The following CACNG3 variants were observed in gnomAD, a reference collection of about 807,000 sequenced individuals.
The protein encoded by CACNG3 is calcium voltage-gated channel auxiliary subunit gamma 3.
In CACNG3, 3 loss-of-function variants were observed where a neutral mutation model predicts 28.5. The ratio of observed to expected loss-of-function variants is 0.11; its 90% confidence interval spans 0.05 to 0.27. The LOEUF is 0.27. Among genes scored for constraint, CACNG3 ranks in the 10% least tolerant of loss-of-function variants. CACNG3 has a pLI of 1.00. For missense variants in CACNG3, 236 were observed against 414.4 expected (o/e 0.57, Z 3.74); for synonymous variants, 174 against 162.2 (o/e 1.07, Z -0.55).
chr16:24,331,995 A>T (rs758441698), intron 1 of CACNG3, among the ~76,000 whole-genome samples: 4 of 152,180 alleles, frequency 2.6e-5, no homozygotes, highest in Non-Finnish European at 5.9e-5. Flanking sequence ...CACTGAAATT[A>T]TCTTTTCCTT....
intron 1 of CACNG3, among the ~76,000 whole-genome samples, chr16:24,339,420 G>T (rs530620026): frequency 1.0e-3 from 152 of 146,376 alleles, no homozygotes; most frequent in African/African-American, 3.5e-3. Flanking sequence ...GGGTCTTGCT[G>T]TCTCACTCAA....
At chr16:24,305,990 C>T (rs757567763) in intron 1 of CACNG3, among the ~76,000 whole-genome samples, 5 of 152,208 alleles carry the variant, frequency 3.3e-5, no homozygotes, top group Admixed American at 6.5e-5. Context: ...ATGGTATATA[C>T]ACATTTAAGT....
chr16:24,304,580 T>G (rs532807185), intron 1 of CACNG3, among the ~76,000 whole-genome samples: 1 of 152,200 alleles, frequency 6.6e-6, no homozygotes, highest in Admixed American at 6.5e-5. Context: ...GTATTTGGTT[T>G]TGTTTTGTTT....
At chr16:24,325,462 C>A (rs373538833) in intron 1 of CACNG3, among the ~76,000 whole-genome samples, 172 of 152,354 alleles carry the variant, frequency 1.1e-3, no homozygotes, top group African/African-American at 3.9e-3. Context: ...ACCCTGGGAG[C>A]TCCCTTTCCC....
intron 1 of CACNG3, among the ~76,000 whole-genome samples, chr16:24,319,761 G>T (rs1472234414): frequency 3.3e-5 from 5 of 150,902 alleles, no homozygotes; most frequent in Non-Finnish European, 7.4e-5. Flanking sequence ...GACTTGTCAG[G>T]GTTATTTTTG....
At chr16:24,311,112 T>G (rs1437977772) in intron 1 of CACNG3, among the ~76,000 whole-genome samples, 1 of 152,162 alleles carries the variant, frequency 6.6e-6, no homozygotes, top group Non-Finnish European at 1.5e-5. Flanking sequence ...TACAGATAGA[T>G]CCAAGGCAAT....
intron 1 of CACNG3, among the ~76,000 whole-genome samples, chr16:24,297,828 A>T (rs959384760): frequency 1.3e-5 from 2 of 152,202 alleles, no homozygotes; most frequent in Admixed American, 1.3e-4. Flanking sequence ...GTCAGCAAGA[A>T]AACCCTCACA....
At chr16:24,275,194 CAA>C (rs71154294) in intron 1 of CACNG3, among the ~76,000 whole-genome samples, 7 of 147,542 alleles carry the variant, frequency 4.7e-5, no homozygotes, top group African/African-American at 5.0e-5. Flanking sequence ...ACTCCATCTC[CAA>C]AAAAAAAAAG....
At chr16:24,343,311 A>G (rs980480001) in intron 1 of CACNG3, among the ~76,000 whole-genome samples, 1 of 152,166 alleles carries the variant, frequency 6.6e-6, no homozygotes, top group Non-Finnish European at 1.5e-5. Context: ...CCATTTCACA[A>G]GCAGATGCCC....
At chr16:24,257,903 C>A (rs1898489798) in intron 1 of CACNG3, among the ~76,000 whole-genome samples, 2 of 152,138 alleles carry the variant, frequency 1.3e-5, no homozygotes, top group South Asian at 4.1e-4. Context: ...ACTCTCAGCA[C>A]CAGTAGGCAA....
At chr16:24,319,685 C>A (rs1378399141) in intron 1 of CACNG3, among the ~76,000 whole-genome samples, 1 of 151,856 alleles carries the variant, frequency 6.6e-6, no homozygotes, top group Non-Finnish European at 1.5e-5. Context: ...TACTCTTGGC[C>A]TCAAGCAATC....
At chr16:24,344,537 A>G (rs2141379083) in intron 1 of CACNG3, among the ~76,000 whole-genome samples, 1 of 152,344 alleles carries the variant, frequency 6.6e-6, no homozygotes, top group South Asian at 2.1e-4. Context: ...CCAAACAGGC[A>G]TATATAAATG....
Position 24,318,980 on chromosome 16 carries a change from G to T in CACNG3, c.212-27754G>T, listed in dbSNP as rs9935334. On this transcript the variant is annotated intron_variant, in intron 1 of 3. Transcript: ENST00000005284. ...GAAAGCTATTTCCTTTTCAATTCAT[G>T]GTATCTGGCTGGAATTTAATAAAAT... Among the ~76,000 whole-genome samples, 5 of 151,978 alleles carry T rather than the reference G, an allele frequency of 3.3e-5. No individual in the cohort carries two copies. In the East Asian group the frequency reaches 5.8e-4, roughly 18 times the overall value.
At chr16:24,294,328 G>T (rs753530183) in intron 1 of CACNG3, among the ~76,000 whole-genome samples, 2 of 152,188 alleles carry the variant, frequency 1.3e-5, no homozygotes, top group Admixed American at 1.3e-4. Flanking sequence ...ATTCCTGCTG[G>T]CAGCAGAGTC....
intron 1 of CACNG3, among the ~76,000 whole-genome samples, chr16:24,331,210 C>G (rs12149602): frequency 6.6e-6 from 1 of 151,854 alleles, no homozygotes; most frequent in East Asian, 1.9e-4. Flanking sequence ...GAATCAAAAC[C>G]CTCAATAACC....
At chr16:24,316,208 C>A (rs1039581782) in intron 1 of CACNG3, among the ~76,000 whole-genome samples, 9 of 104,484 alleles carry the variant, frequency 8.6e-5, no homozygotes, top group South Asian at 4.1e-4. Flanking sequence ...CAGGAACCGT[C>A]TGGACTTTAT....
At chr16:24,326,934 C>T (rs962035291) in intron 1 of CACNG3, among the ~76,000 whole-genome samples, 2 of 151,976 alleles carry the variant, frequency 1.3e-5, no homozygotes, top group African/African-American at 4.8e-5. Context: ...ACCAGTCTAG[C>T]TAATGACGCT....
chr16:24,303,825 G>C (rs977449037), intron 1 of CACNG3, among the ~76,000 whole-genome samples: 3 of 152,164 alleles, frequency 2.0e-5, no homozygotes, highest in African/African-American at 7.2e-5. Context: ...GGCTGAGGTG[G>C]GAGGGTAGCT....
At chr16:24,346,939 G>A in intron 2 of CACNG3, 122 bp downstream of exon 2, 1 of 705,350 alleles carries the variant, frequency 1.4e-6, no homozygotes, top group South Asian at 1.7e-5. Flanking sequence ...GTGCAAAGAA[G>A]CCCCATGTGC....
Sources: allele counts gnomAD v4.1 joint callset (sites outside exome capture counted in the v4.1 genomes callset), GRCh38; gene constraint gnomAD v4.1.1; transcripts MANE v1.5; gene names NCBI Gene and HGNC (gene_info 2026-07-23, HGNC 2026-07-21).